Variants in ROR1 observed in about 807,000 individuals in gnomAD.
ROR1 encodes the protein ROR family WNT receptor 1.
In ROR1, 19 loss-of-function variants were observed where a neutral mutation model predicts 78.8. The ratio of observed to expected loss-of-function variants is 0.24; its 90% confidence interval spans 0.17 to 0.35. The LOEUF is 0.35. ROR1 is among the 10% of genes least tolerant of loss of function. The pLI, the probability that ROR1 is intolerant of heterozygous loss-of-function variation, is 1.00. For synonymous variants in ROR1, 386 were observed against 433.6 expected (o/e 0.89, Z 1.36); for missense variants, 917 against 1,177.8 (o/e 0.78, Z 3.24).
intron 4 of ROR1, chr1:64,105,582 G>C (rs886583660): frequency 6.6e-6 from 1 of 152,146 alleles, no homozygotes; most frequent in Non-Finnish European, 1.5e-5. Flanking sequence ...GGTTTTTATG[G>C]TTTGGGGCTT....
At chr1:63,973,908 T>C (rs530091410) in intron 1 of ROR1, among the ~76,000 whole-genome samples, 1 of 152,348 alleles carries the variant, frequency 6.6e-6, no homozygotes, top group East Asian at 1.9e-4. Flanking sequence ...TAGATATCAC[T>C]GTTTGCAATT....
At chr1:64,012,811 G>T (rs1271239146) in intron 2 of ROR1, among the ~76,000 whole-genome samples, 1 of 152,138 alleles carries the variant, frequency 6.6e-6, no homozygotes, top group Non-Finnish European at 1.5e-5. Flanking sequence ...GACAAAAAAG[G>T]CATATTTCAA....
chr1:63,820,248 G>C (rs950017051), intron 1 of ROR1, among the ~76,000 whole-genome samples: 1 of 152,162 alleles, frequency 6.6e-6, no homozygotes, highest in Non-Finnish European at 1.5e-5. Flanking sequence ...GCACGTCATT[G>C]GTGGCTCTCC....
intron 7 of ROR1, among the ~76,000 whole-genome samples, chr1:64,148,244 C>T (rs1649529480): frequency 6.6e-6 from 1 of 151,974 alleles, no homozygotes; most frequent in Non-Finnish European, 1.5e-5. Flanking sequence ...AACATGTGTC[C>T]GAGGTCACAT....
intron 1 of ROR1, among the ~76,000 whole-genome samples, chr1:63,787,977 C>T (rs1239338961): frequency 1.3e-5 from 2 of 152,222 alleles, no homozygotes; most frequent in Non-Finnish European, 2.9e-5. Context: ...TTGGTCATGT[C>T]TGAGCCCAGG....
chr1:63,887,922 A>T (rs1645368282), intron 1 of ROR1, among the ~76,000 whole-genome samples: 1 of 152,178 alleles, frequency 6.6e-6, no homozygotes, highest in African/African-American at 2.4e-5. Context: ...TCAGAATGAC[A>T]CCTTGAGATG....
chr1:63,888,955 C>G (rs1196297126), intron 1 of ROR1, among the ~76,000 whole-genome samples: 1 of 152,080 alleles, frequency 6.6e-6, no homozygotes, highest in Non-Finnish European at 1.5e-5. Context: ...TTCTAAGGGT[C>G]AAGAATCCAC....
chr1:64,171,467 C>CA (rs1292571059), intron 8 of ROR1, among the ~76,000 whole-genome samples: 1 of 152,166 alleles, frequency 6.6e-6, no homozygotes, highest in African/African-American at 2.4e-5. Flanking sequence ...GGGACACAGC[C>CA]AAACCATATC....
chr1:63,974,809 ACT>A (rs1360842743), intron 1 of ROR1, among the ~76,000 whole-genome samples: 1 of 151,756 alleles, frequency 6.6e-6, no homozygotes, highest in Non-Finnish European at 1.5e-5. Flanking sequence ...CCGGCTACCA[ACT>A]CTTATTTCTC....
At chr1:64,088,062 A>G (rs1328360487) in intron 4 of ROR1, among the ~76,000 whole-genome samples, 1 of 152,200 alleles carries the variant, frequency 6.6e-6, no homozygotes, top group Non-Finnish European at 1.5e-5. Flanking sequence ...GTTTTGAGAT[A>G]ACAAGGCTTA....
intron 1 of ROR1, among the ~76,000 whole-genome samples, chr1:63,908,572 A>G (rs930570484): frequency 6.6e-6 from 1 of 152,188 alleles, no homozygotes; most frequent in African/African-American, 2.4e-5. Flanking sequence ...TATTCACCAG[A>G]ATGTTCTTAA....
chr1:64,057,155 G>A (rs1646881599), intron 4 of ROR1, among the ~76,000 whole-genome samples: 1 of 152,024 alleles, frequency 6.6e-6, no homozygotes, highest in Admixed American at 6.6e-5. Context: ...TAGGTTTTTG[G>A]TCCATCTTGA....
chr1:63,985,239 G>A (rs866358063), intron 1 of ROR1, among the ~76,000 whole-genome samples: 12 of 152,248 alleles, frequency 7.9e-5, no homozygotes, highest in Middle Eastern at 3.4e-3. Flanking sequence ...TGAAAAGTAC[G>A]TATAAACAGC....
At chr1:63,967,246 A>C (rs969501907) in intron 1 of ROR1, among the ~76,000 whole-genome samples, 14 of 152,204 alleles carry the variant, frequency 9.2e-5, no homozygotes, top group Admixed American at 2.6e-4. Context: ...GAATAAGTAT[A>C]AGAATTTTTC....
intron 2 of ROR1, among the ~76,000 whole-genome samples, chr1:64,035,364 T>C (rs921420086): frequency 6.6e-6 from 1 of 152,218 alleles, no homozygotes; most frequent in African/African-American, 2.4e-5. Flanking sequence ...ACAAAAATTG[T>C]TTATTTCATT....
At chr1:64,078,100 C>T (rs1024281774) in intron 4 of ROR1, among the ~76,000 whole-genome samples, 1 of 152,190 alleles carries the variant, frequency 6.6e-6, no homozygotes, top group African/African-American at 2.4e-5. Flanking sequence ...CAATAATAAC[C>T]ATTGCTACAG....
Position 64,178,041 on chromosome 1 carries a change from G to T in ROR1, c.2000G>T (p.Gly667Val). The part of the protein sequence containing the change: ...RWMPPEAIMY[G>V]KFSSDSDIWS... ...ATGCCCCCTGAAGCCATCATGTATG[G>T]CAAATTCTCTTCTGATTCAGATATC... The change falls in exon 9 of 9, where the codon GGC becomes GTC. Residue 667 changes from glycine to valine, a missense_variant. This residue lies in a region of ROR1 where 835 missense variants were observed against 1,069.8 expected (regional missense o/e 0.78). Coordinates refer to ENST00000371079, the MANE Select transcript of ROR1 (RefSeq NM_005012.4). This position sits in a 1 kb window ranked among gnomAD's most constrained non-coding sequence, Gnocchi z 4.3. 1 of 1,614,122 alleles carries T rather than the reference G, an allele frequency of 6.2e-7. No homozygotes were observed. The highest frequency in any genetic ancestry group is 8.5e-7 in the Non-Finnish European group (1 of 1,180,018).
At chr1:63,957,662 A>G (rs1318073527) in intron 1 of ROR1, among the ~76,000 whole-genome samples, 1 of 151,872 alleles carries the variant, frequency 6.6e-6, no homozygotes, top group Non-Finnish European at 1.5e-5. Flanking sequence ...TGATCTGGCC[A>G]TTCATTCATC....
At chr1:64,098,238 T>A (rs940678467) in intron 4 of ROR1, among the ~76,000 whole-genome samples, 1 of 152,170 alleles carries the variant, frequency 6.6e-6, no homozygotes, top group Non-Finnish European at 1.5e-5. Context: ...CACAAGTATT[T>A]GTGCTTTTAG....
Sources: gnomAD v4.1 joint callset for allele counts (sites outside exome capture counted in the v4.1 genomes callset) on GRCh38, gnomAD v4.1.1 for gene constraint, gnomAD v4.1.1 regional missense constraint, Gnocchi (gnomAD v3.1) non-coding constraint, MANE v1.5 for transcripts, NCBI Gene and HGNC (gene_info 2026-07-23, HGNC 2026-07-21) for gene names.